The following ALG5 variants were observed in gnomAD, a reference collection of about 807,000 sequenced individuals.
The protein encoded by ALG5 is ALG5 dolichyl-phosphate beta-glucosyltransferase, also known as dolichyl-phosphate beta-glucosyltransferase.
Under a neutral mutation model 51.8 loss-of-function variants are expected in ALG5, and 26 were observed. The observed-to-expected ratio is 0.50, with a 90% CI of 0.37 to 0.70. The LOEUF is 0.70. Among genes scored for constraint, ALG5 ranks in the 30% least tolerant of loss-of-function variants. ALG5 has a pLI of 0.00. For synonymous variants in ALG5, 141 were observed against 136.1 expected, an observed-to-expected ratio of 1.04 and a Z score of -0.25; for missense variants, 311 against 399.3, an observed-to-expected ratio of 0.78 and a Z score of 1.88.
At chr13:36,986,807 G>C (rs1490667279) in intron 5 of ALG5, among the ~76,000 whole-genome samples, 2 of 152,142 alleles carry the variant, frequency 1.3e-5, no homozygotes, top group Non-Finnish European at 2.9e-5. Context: ...CATGCCTGTA[G>C]TCCCAGCTAC....
intron 5 of ALG5, among the ~76,000 whole-genome samples, chr13:36,988,889 G>A (rs994512883): frequency 6.6e-6 from 1 of 152,098 alleles, no homozygotes; most frequent in Non-Finnish European, 1.5e-5. Flanking sequence ...ATAAATAAAT[G>A]GACCTCAAAG....
chr13:36,981,913 CCT>C (rs1491579861), intron 6 of ALG5, among the ~76,000 whole-genome samples: 2 of 152,094 alleles, frequency 1.3e-5, no homozygotes, highest in Admixed American at 6.6e-5. Context: ...ACGGTGAAAC[CCT>C]GTCTCTACTA....
At chr13:36,976,234 G>A (rs1020384322) in intron 6 of ALG5, among the ~76,000 whole-genome samples, 7 of 151,182 alleles carry the variant, frequency 4.6e-5, no homozygotes, top group South Asian at 2.1e-4. Flanking sequence ...TTCAAGACCC[G>A]TCTGGCCAAC....
chr13:36,961,709 A>C (rs2058867634), intron 8 of ALG5, among the ~76,000 whole-genome samples: 2 of 152,144 alleles, frequency 1.3e-5, no homozygotes, highest in African/African-American at 4.8e-5. Context: ...ATACCCATTT[A>C]ATTTATATTA....
intron 6 of ALG5, among the ~76,000 whole-genome samples, chr13:36,983,534 G>A (rs922731137): frequency 2.0e-5 from 3 of 149,766 alleles, no homozygotes; most frequent in Non-Finnish European, 2.9e-5. Context: ...TGGAGTTTGA[G>A]TCCAGCCTGG....
intron 6 of ALG5, among the ~76,000 whole-genome samples, chr13:36,972,799 T>TGGCTAACACA (rs1189032545): frequency 6.6e-6 from 1 of 152,036 alleles, no homozygotes; most frequent in East Asian, 1.9e-4. Context: ...GAGATCATCC[T>TGGCTAACACA]GGCTAACACA....
chr13:36,956,034 C>T (rs1593657440), intron 8 of ALG5, among the ~76,000 whole-genome samples: 1 of 151,996 alleles, frequency 6.6e-6, no homozygotes, highest in Non-Finnish European at 1.5e-5. Context: ...AGCTTCTGCA[C>T]AACAAAAGAA....
chr13:36,956,715 A>G (rs1001658760), intron 8 of ALG5, among the ~76,000 whole-genome samples: 5 of 152,092 alleles, frequency 3.3e-5, no homozygotes, highest in Admixed American at 2.0e-4. Context: ...ACATCTTGCA[A>G]CTGCACACTC....
At chr13:36,981,738 G>A (rs1000050038) in intron 6 of ALG5, among the ~76,000 whole-genome samples, 6 of 152,188 alleles carry the variant, frequency 3.9e-5, no homozygotes, top group Non-Finnish European at 8.8e-5. Context: ...AAATCCACAC[G>A]AACAGACACA....
chr13:36,985,496 T>C (rs1482585000), intron 6 of ALG5, 131 bp downstream of exon 6: 2 of 621,746 alleles, frequency 3.2e-6, no homozygotes, highest in Non-Finnish European at 5.6e-6. Flanking sequence ...TATGGGGCTG[T>C]ACCATTTGTA....
In ALG5 at chr13:36,999,235, C is replaced by T. The variant is rs747588147; in HGVS notation, c.66G>A (p.Leu22=). ...CGCGGGTTCCCATCCCTGTTCTCAC[C>T]AGTACGAGGGCTGCGGCCGCCAGCG... ...GAALAAAALV[L]ISIVAFTTAT... Residue 22 remains leucine (L), a splice_region_variant and synonymous_variant, in exon 1 of 10, where the codon CTG becomes CTA. Transcript: ENST00000239891. 6.3e-7 allele frequency: 1 copy of T among 1,577,402 alleles called. No homozygotes were observed. The highest frequency in any genetic ancestry group is 1.1e-5 in the South Asian group (1 of 87,312).
intron 5 of ALG5, among the ~76,000 whole-genome samples, chr13:36,989,195 A>G (rs2059014971): frequency 6.6e-6 from 1 of 152,234 alleles, no homozygotes; most frequent in African/African-American, 2.4e-5. Context: ...TTAAACTGCA[A>G]AAAACCACAT....
intron 7 of ALG5, among the ~76,000 whole-genome samples, chr13:36,971,213 T>C (rs2058921324): frequency 6.6e-6 from 1 of 152,104 alleles, no homozygotes; most frequent in South Asian, 2.1e-4. Context: ...TGCAAACTTG[T>C]GAAATTTTAA....
intron 8 of ALG5, among the ~76,000 whole-genome samples, chr13:36,959,216 T>C (rs2058854403): frequency 1.3e-5 from 2 of 151,844 alleles, no homozygotes; most frequent in South Asian, 2.1e-4. Context: ...GGTGGGGAGA[T>C]GGGGAGATGA....
Position 36,995,143 on chromosome 13 carries a change from G to A in ALG5, c.239-108C>T. On this transcript the variant is annotated intron_variant, in intron 2 of 9. Transcript: ENST00000239891. ...TCCCAATAATCTAACAAGCCCCTCTGGTACTTTCCCAATGGTCATTCCCAT... is the reference window on the plus strand; with the variant it reads ...TCCCAATAATCTAACAAGCCCCTCTAGTACTTTCCCAATGGTCATTCCCAT... The A allele has an allele frequency of 8.4e-6, 8 of 954,244 alleles. No homozygotes were observed. In the South Asian group the frequency reaches 1.1e-4, roughly 13 times the overall value. 59.1% of individuals were successfully genotyped at this position (954,244 alleles called of 1,614,324 possible). A position where few individuals can be genotyped will look rare whatever the true frequency, so the allele number is the denominator to read the frequency against.
At chr13:36,992,091 C>T (rs115957761) in intron 4 of ALG5, among the ~76,000 whole-genome samples, 1 of 152,336 alleles carries the variant, frequency 6.6e-6, no homozygotes, top group African/African-American at 2.4e-5. Context: ...CTGGAATCAA[C>T]TATTTCTAGA....
chr13:36,961,049 G>A (rs2058864346), intron 8 of ALG5, among the ~76,000 whole-genome samples: 1 of 151,886 alleles, frequency 6.6e-6, no homozygotes, highest in East Asian at 1.9e-4. Context: ...TTCCACATTC[G>A]CAAATTCAAC....
At chr13:36,958,507 C>T (rs922844895) in intron 8 of ALG5, among the ~76,000 whole-genome samples, 1 of 152,148 alleles carries the variant, frequency 6.6e-6, no homozygotes, top group Admixed American at 6.5e-5. Context: ...GCCTGCTAGC[C>T]CATGCTCCGA....
chr13:36,962,186 T>G (rs1043392853), intron 8 of ALG5, among the ~76,000 whole-genome samples: 5 of 152,314 alleles, frequency 3.3e-5, no homozygotes, highest in Non-Finnish European at 5.9e-5. Context: ...GAGAAAAATT[T>G]CAATGAATCC....
Sources: gnomAD v4.1 joint callset for allele counts (sites outside exome capture counted in the v4.1 genomes callset) on GRCh38, gnomAD v4.1.1 for gene constraint, MANE v1.5 for transcripts, NCBI Gene and HGNC (gene_info 2026-07-23, HGNC 2026-07-21) for gene names.